Variants in ANGPT1 observed in about 807,000 individuals in gnomAD.
The protein encoded by ANGPT1 is angiopoietin-1.
In ANGPT1, 17 loss-of-function variants were observed where a neutral mutation model predicts 62.2. That is an observed-to-expected ratio of 0.27 (90% CI 0.19 to 0.41). The LOEUF is 0.41. Among genes scored for constraint, ANGPT1 ranks in the 10% least tolerant of loss-of-function variants. ANGPT1 has a pLI of 1.00. For missense variants in ANGPT1, 478 were observed against 594.9 expected (o/e 0.80, Z 2.04); for synonymous variants, 199 against 198.9 (o/e 1.00, Z 0.00).
intron 1 of ANGPT1, among the ~76,000 whole-genome samples, chr8:107,448,041 T>C (rs2130447140): frequency 6.6e-6 from 1 of 152,338 alleles, no homozygotes; most frequent in East Asian, 1.9e-4. Context: ...GTGGACTTGC[T>C]GTTTGTGTGA....
chr8:107,405,331 CA>C (rs1405940938), intron 1 of ANGPT1, among the ~76,000 whole-genome samples: 34 of 151,750 alleles, frequency 2.2e-4, no homozygotes, highest in Non-Finnish European at 4.3e-4. Flanking sequence ...TGGTATATTG[CA>C]AATAAATGTA....
At chr8:107,473,565 T>C (rs1275037595) in intron 1 of ANGPT1, among the ~76,000 whole-genome samples, 2 of 152,138 alleles carry the variant, frequency 1.3e-5, no homozygotes, top group Non-Finnish European at 2.9e-5. Context: ...TCACTGAATT[T>C]GTTAATAATT....
chr8:107,313,718 C>T (rs1814940794), intron 4 of ANGPT1, among the ~76,000 whole-genome samples: 2 of 152,008 alleles, frequency 1.3e-5, no homozygotes, highest in Non-Finnish European at 2.9e-5. Context: ...GCTGGGACTA[C>T]AGGCGTGAGC....
rs777685954 is a variant in ANGPT1, at chr8:107,251,939, C to T, written c.1413G>A (p.Leu471=). 19 of 1,613,906 alleles carry T rather than the reference C, an allele frequency of 1.2e-5. 1 individual carries two copies. The highest frequency in any genetic ancestry group is 1.6e-5 in the Non-Finnish European group (19 of 1,179,876). ...TGAAGTAGTGCCACTTTATCCCATT[C>T]AGTTTTCCATGGTTTTGTCCCGCAG... ...FYTAGQNHGK[L]NGIKWHYFKG... Residue 471 remains leucine, a synonymous_variant, in exon 9 of 9, where the codon CTG becomes CTA. Transcript: ENST00000517746.
At chr8:107,441,722 G>A (rs1410611864) in intron 1 of ANGPT1, among the ~76,000 whole-genome samples, 4 of 152,050 alleles carry the variant, frequency 2.6e-5, no homozygotes, top group African/African-American at 7.3e-5. Flanking sequence ...GAGATTATAC[G>A]TGGTTCAGGG....
At chr8:107,463,970 T>C (rs998966101) in intron 1 of ANGPT1, among the ~76,000 whole-genome samples, 6 of 152,126 alleles carry the variant, frequency 3.9e-5, no homozygotes, top group Non-Finnish European at 7.4e-5. Flanking sequence ...TTTTGAAATA[T>C]AGGGAGACAT....
At chr8:107,339,878 A>T (rs979204971) in intron 2 of ANGPT1, among the ~76,000 whole-genome samples, 1 of 152,226 alleles carries the variant, frequency 6.6e-6, no homozygotes, top group African/African-American at 2.4e-5. Flanking sequence ...CTAGAGCAGC[A>T]TCTGAATATA....
At chr8:107,494,092 A>G (rs1384950426) in intron 1 of ANGPT1, among the ~76,000 whole-genome samples, 5 of 136,656 alleles carry the variant, frequency 3.7e-5, no homozygotes, top group Non-Finnish European at 6.4e-5. Context: ...TTCTGTTACA[A>G]GGCATTATTG....
intron 1 of ANGPT1, among the ~76,000 whole-genome samples, chr8:107,467,425 T>C (rs1368992392): frequency 6.6e-6 from 1 of 151,888 alleles, no homozygotes; most frequent in Non-Finnish European, 1.5e-5. Flanking sequence ...ATAGATAAAT[T>C]GAAAGATCTA....
chr8:107,341,851 C>T (rs75037416), intron 2 of ANGPT1, among the ~76,000 whole-genome samples: 2,159 of 152,004 alleles, frequency 0.014, 30 homozygotes, highest in Non-Finnish European at 0.022. Context: ...ACAGGCTTAT[C>T]GAGTAGCTGT....
intron 1 of ANGPT1, among the ~76,000 whole-genome samples, chr8:107,465,655 T>C (rs552861765): frequency 1.3e-5 from 2 of 152,278 alleles, no homozygotes; most frequent in East Asian, 3.9e-4. Flanking sequence ...ATCTTCGTTT[T>C]CAAGTAAATG....
Position 107,497,243 on chromosome 8 carries a change from A to C in ANGPT1, c.297+19T>G, listed in dbSNP as rs1813127981. 1.1e-5 allele frequency: 17 copies of C among 1,610,830 alleles called. No individual in the cohort carries two copies. Among genetic ancestry groups the C allele is most frequent in the Admixed American group, 1.7e-5 (1 of 59,792 alleles). ...AGGAAAAAGGTCCGTGCTATTAGAAACTGAAAGCAATCACTTACTTTTTGC... is the reference window on the plus strand; with the variant it reads ...AGGAAAAAGGTCCGTGCTATTAGAACCTGAAAGCAATCACTTACTTTTTGC... On this transcript the variant is annotated intron_variant, in intron 1 of 8. Coordinates refer to ENST00000517746, the MANE Select transcript of ANGPT1 (RefSeq NM_001146.5).
In ANGPT1 at chr8:107,497,584, G is replaced by A. The variant is rs1813146099; in HGVS notation, c.-26C>T. The A allele has an allele frequency of 6.3e-7, 1 of 1,598,906 alleles. No homozygotes were observed. Among genetic ancestry groups the A allele is most frequent in the South Asian group, 1.1e-5 (1 of 89,386 alleles). On this transcript the variant is annotated 5_prime_UTR_variant, in exon 1 of 9. Coordinates refer to ENST00000517746, the MANE Select transcript of ANGPT1 (RefSeq NM_001146.5). Reference sequence around the variant, plus strand: ...TGTACTGCCAGCACACTCCTTCCGTGCCTCTCGCAAAACTTGCTCCTTTCT... The same window carrying A: ...TGTACTGCCAGCACACTCCTTCCGTACCTCTCGCAAAACTTGCTCCTTTCT...
intron 1 of ANGPT1, among the ~76,000 whole-genome samples, chr8:107,404,642 G>T (rs906576389): frequency 2.0e-5 from 3 of 152,010 alleles, no homozygotes; most frequent in African/African-American, 4.8e-5. Context: ...TATTATAAAA[G>T]ATACTGCAAT....
At chr8:107,405,150 T>C (rs957198599) in intron 1 of ANGPT1, among the ~76,000 whole-genome samples, 1 of 151,930 alleles carries the variant, frequency 6.6e-6, no homozygotes, top group Non-Finnish European at 1.5e-5. Flanking sequence ...CACATTTAAA[T>C]AATTGATATT....
At chr8:107,283,007 G>GCACA (rs143778406) in intron 7 of ANGPT1, among the ~76,000 whole-genome samples, 1 of 150,408 alleles carries the variant, frequency 6.6e-6, no homozygotes, top group South Asian at 2.1e-4. Flanking sequence ...GCATGTGTAT[G>GCACA]CACACACACA....
intron 1 of ANGPT1, among the ~76,000 whole-genome samples, chr8:107,479,312 A>T (rs1408285195): frequency 2.6e-5 from 4 of 152,174 alleles, no homozygotes; most frequent in African/African-American, 9.7e-5. Flanking sequence ...GATTCCCAGA[A>T]ATTGGATTAC....
At chr8:107,448,478 G>A (rs1355272614) in intron 1 of ANGPT1, among the ~76,000 whole-genome samples, 1 of 152,064 alleles carries the variant, frequency 6.6e-6, no homozygotes, top group Admixed American at 6.6e-5. Flanking sequence ...TCTAGTAAAA[G>A]AGCAAAATTT....
chr8:107,383,267 G>T (rs946836623), intron 1 of ANGPT1, among the ~76,000 whole-genome samples: 1 of 152,072 alleles, frequency 6.6e-6, no homozygotes, highest in Non-Finnish European at 1.5e-5. Flanking sequence ...GTGGGTCTCA[G>T]CCAAAAAGAA....
Sources: gnomAD v4.1 joint callset for allele counts (sites outside exome capture counted in the v4.1 genomes callset) on GRCh38, gnomAD v4.1.1 for gene constraint, MANE v1.5 for transcripts, NCBI Gene and HGNC (gene_info 2026-07-23, HGNC 2026-07-21) for gene names.